Variants in RIC1 observed in about 807,000 individuals in gnomAD.
RIC1 encodes RIC1 partner of RAB6A GEF complex.
RIC1 carries 88 observed loss-of-function variants against 169.0 expected under a neutral mutation model. The ratio of observed to expected loss-of-function variants is 0.52; its 90% CI spans 0.44 to 0.62. The LOEUF (loss-of-function observed/expected upper bound fraction) is 0.62. RIC1 is among the 20% of genes least tolerant of loss of function. RIC1 has a pLI of 0.00. For missense variants in RIC1, 1,877 were observed against 1,725.5 expected, an observed-to-expected ratio of 1.09 and a Z score of -1.56; for synonymous variants, 790 against 601.5, an observed-to-expected ratio of 1.31 and a Z score of -4.59.
At chr9:5,737,429 C>T (rs1014438828) in intron 7 of RIC1, among the ~76,000 whole-genome samples, 1 of 152,082 alleles carries the variant, frequency 6.6e-6, no homozygotes, top group African/African-American at 2.4e-5. Flanking sequence ...CTCCTGTTTA[C>T]CCCTCTTCTT....
intron 2 of RIC1, among the ~76,000 whole-genome samples, chr9:5,681,714 C>G (rs928603239): frequency 1.2e-4 from 19 of 152,110 alleles, no homozygotes; most frequent in Non-Finnish European, 1.5e-5. Context: ...CTTTCTGTCT[C>G]TTTGATCTGT....
At chr9:5,698,712 A>G (rs757644144) in intron 3 of RIC1, among the ~76,000 whole-genome samples, 5 of 152,204 alleles carry the variant, frequency 3.3e-5, no homozygotes, top group African/African-American at 1.2e-4. Context: ...GCCATTTTCT[A>G]AAGTTGCTTT....
intron 17 of RIC1, among the ~76,000 whole-genome samples, chr9:5,760,933 A>T (rs994662834): frequency 4.0e-5 from 6 of 151,628 alleles, no homozygotes; most frequent in Admixed American, 2.0e-4. Context: ...TTGAATACTC[A>T]CTCTTTCCTC....
chr9:5,752,177 C>T (rs1456616566), intron 12 of RIC1, among the ~76,000 whole-genome samples: 1 of 152,112 alleles, frequency 6.6e-6, no homozygotes, highest in African/African-American at 2.4e-5. Context: ...ACAAAGACAC[C>T]ATGTTCAAAG....
Position 5,745,987 on chromosome 9 carries a change from C to T in RIC1, c.1152C>T (p.Asn384=). ...TAATCAGCGGATTTGGTTCTCAAAA[C>T]ACTGAAATTGAGTCTGACCTCAGGA... ...LWVISGFGSQ[N]TEIESDLRSV... The change falls in exon 11 of 26, where the codon AAC becomes AAT. Residue 384 remains asparagine (N), a synonymous_variant. Transcript: ENST00000414202. 2 of 1,613,666 alleles carry T rather than the reference C, an allele frequency of 1.2e-6. No individual in the cohort carries two copies. Among genetic ancestry groups the T allele is most frequent in the Non-Finnish European group, 8.5e-7 (1 of 1,179,666 alleles).
At chr9:5,642,127 T>G (rs1818281397) in intron 1 of RIC1, among the ~76,000 whole-genome samples, 1 of 145,160 alleles carries the variant, frequency 6.9e-6, no homozygotes, top group Non-Finnish European at 1.5e-5. Flanking sequence ...ATGCTGAGGT[T>G]TTTGCAGACT....
chr9:5,672,865 T>G (rs993127584), intron 2 of RIC1, among the ~76,000 whole-genome samples: 1 of 152,128 alleles, frequency 6.6e-6, no homozygotes, highest in Non-Finnish European at 1.5e-5. Context: ...ACAATAGACT[T>G]CTCACTACTA....
chr9:5,760,582 G>T (rs1444105649), intron 17 of RIC1, among the ~76,000 whole-genome samples: 1 of 152,138 alleles, frequency 6.6e-6, no homozygotes, highest in African/African-American at 2.4e-5. Flanking sequence ...TTTGCTGCAG[G>T]TGTTTGTCTT....
At chr9:5,766,480 TC>T (rs144179279) in intron 21 of RIC1, among the ~76,000 whole-genome samples, 10,129 of 152,176 alleles carry the variant, frequency 0.067, 1,140 homozygotes, top group African/African-American at 0.23. Context: ...ATATTTGTTG[TC>T]TTTTATCCCT....
chr9:5,643,756 C>T (rs940868498), intron 1 of RIC1, among the ~76,000 whole-genome samples: 6 of 152,036 alleles, frequency 3.9e-5, no homozygotes, highest in African/African-American at 1.2e-4. Flanking sequence ...AAGTGTTCCA[C>T]CTGTATTAGT....
chr9:5,714,113 C>A (rs1433993876), intron 4 of RIC1, 110 bp downstream of exon 4: 16 of 621,616 alleles, frequency 2.6e-5, no homozygotes, highest in Non-Finnish European at 4.3e-5. Flanking sequence ...TTCAAGATAA[C>A]TTCTTAGTTC....
intron 17 of RIC1, among the ~76,000 whole-genome samples, chr9:5,760,791 G>C (rs1054384086): frequency 2.6e-5 from 4 of 152,128 alleles, no homozygotes; most frequent in Non-Finnish European, 5.9e-5. Context: ...AGAGTAGTTT[G>C]TATAGCCAAG....
In RIC1 at chr9:5,696,222, C is replaced by G. The variant is rs62557387; in HGVS notation, c.332+6184C>G. Among the ~76,000 whole-genome samples the G allele has an allele frequency of 1.1e-3, 174 of 152,170 alleles. No homozygotes were observed. In the Middle Eastern group the frequency reaches 0.017, roughly 15 times the overall value. Reference sequence around the variant, plus strand: ...TTTCTCTTCCCCTAGTCTCTTTCACCTACATAATGAAGTTTATCATTTGCA... The same window carrying G: ...TTTCTCTTCCCCTAGTCTCTTTCACGTACATAATGAAGTTTATCATTTGCA... On this transcript the variant is annotated intron_variant, in intron 3 of 25. Transcript: ENST00000414202.
At chr9:5,747,817 C>T (rs1047085954) in intron 12 of RIC1, among the ~76,000 whole-genome samples, 2 of 151,970 alleles carry the variant, frequency 1.3e-5, no homozygotes, top group Non-Finnish European at 2.9e-5. Flanking sequence ...AAATTTAGCT[C>T]TACGGATTTG....
intron 3 of RIC1, among the ~76,000 whole-genome samples, chr9:5,705,259 G>T (rs537756812): frequency 1.4e-3 from 198 of 140,244 alleles, no homozygotes; most frequent in African/African-American, 5.0e-3. Context: ...ATCTATAGCT[G>T]TTTGGGAAGT....
intron 1 of RIC1, among the ~76,000 whole-genome samples, chr9:5,638,672 C>G (rs962420278): frequency 1.3e-5 from 2 of 152,104 alleles, no homozygotes; most frequent in African/African-American, 4.8e-5. Context: ...TTTGCGGTAT[C>G]AATTGTAATA....
At chr9:5,643,951 T>C (rs1442582309) in intron 1 of RIC1, among the ~76,000 whole-genome samples, 1 of 152,198 alleles carries the variant, frequency 6.6e-6, no homozygotes, top group African/African-American at 2.4e-5. Flanking sequence ...TTCCTTTGAG[T>C]TGCTGTCACA....
At chr9:5,637,240 G>A (rs1274174403) in intron 1 of RIC1, among the ~76,000 whole-genome samples, 1 of 150,590 alleles carries the variant, frequency 6.6e-6, no homozygotes, top group African/African-American at 2.5e-5. Context: ...TTTTTTTTCT[G>A]TAATTTTTTA....
intron 4 of RIC1, among the ~76,000 whole-genome samples, chr9:5,715,916 C>G (rs1280240713): frequency 1.3e-5 from 2 of 151,816 alleles, no homozygotes; most frequent in African/African-American, 2.4e-5. Context: ...GGCATGATCA[C>G]AGCTCACTGC....
Sources: allele counts gnomAD v4.1 joint callset (sites outside exome capture counted in the v4.1 genomes callset), GRCh38; gene constraint gnomAD v4.1.1; transcripts MANE v1.5; gene names NCBI Gene and HGNC (gene_info 2026-07-23, HGNC 2026-07-21).